Variants in NDE1 observed in about 807,000 individuals in gnomAD.
The protein encoded by NDE1 is nudE neurodevelopment protein 1.
Under a neutral mutation model 43.4 loss-of-function variants are expected in NDE1, and 28 were observed. The ratio of observed to expected loss-of-function variants is 0.65; its 90% CI spans 0.48 to 0.89. The LOEUF is 0.89. NDE1 is among the 40% of genes least tolerant of loss of function. The probability of loss-of-function intolerance (pLI) is 0.00; values close to 1 mark genes in which losing one functional copy is unlikely to be tolerated. For synonymous variants in NDE1, 184 were observed against 172.0 expected (o/e 1.07, Z -0.55); for missense variants, 441 against 434.1 (o/e 1.02, Z -0.14).
chr16:15,696,603 A>G (rs2151141681), intron 7 of NDE1, 106 bp from the exon 8 acceptor site: 5 of 1,595,336 alleles, frequency 3.1e-6, no homozygotes, highest in East Asian at 2.2e-5. Flanking sequence ...TCCAGTGCAC[A>G]ACAGTTTGAG....
At chr16:15,661,596 A>G (rs574803052) in intron 1 of NDE1, among the ~76,000 whole-genome samples, 1 of 151,452 alleles carries the variant, frequency 6.6e-6, no homozygotes, top group African/African-American at 2.4e-5. Flanking sequence ...CAGACACACC[A>G]CCATGACCAG....
At chr16:15,695,926 C>T (rs1023236394) in intron 7 of NDE1, 2 of 154,926 alleles carry the variant, frequency 1.3e-5, no homozygotes, top group African/African-American at 4.8e-5. Flanking sequence ...CAAGGTAAAC[C>T]AAAGGGTGAA....
At chr16:15,663,261 A>G (rs2037137739) in intron 1 of NDE1, among the ~76,000 whole-genome samples, 1 of 142,424 alleles carries the variant, frequency 7.0e-6, no homozygotes, top group Non-Finnish European at 1.5e-5. Context: ...TTTTTTTGAG[A>G]CGGAGTCTCA....
intron 8 of NDE1, chr16:15,719,072 G>T: frequency 1.3e-6 from 1 of 765,276 alleles, no homozygotes; most frequent in East Asian, 2.7e-5. Context: ...AGGTTGCAGT[G>T]AGCCAAGATT....
chr16:15,707,253 T>A (rs1255854967), intron 8 of NDE1, among the ~76,000 whole-genome samples: 1 of 152,110 alleles, frequency 6.6e-6, no homozygotes, highest in Non-Finnish European at 1.5e-5. Flanking sequence ...GCCAGGCTGG[T>A]CCTGACCTCA....
chr16:15,692,401 T>C (rs755373878), intron 6 of NDE1, among the ~76,000 whole-genome samples: 6 of 152,148 alleles, frequency 3.9e-5, no homozygotes, highest in Non-Finnish European at 5.9e-5. Flanking sequence ...AGAATTCCGG[T>C]GCAGAGCCCT....
intron 4 of NDE1, among the ~76,000 whole-genome samples, chr16:15,679,686 T>C (rs1451465909): frequency 1.3e-5 from 2 of 152,214 alleles, no homozygotes; most frequent in Non-Finnish European, 2.9e-5. Context: ...ACATTTTCTT[T>C]ATACTCCACG....
chr16:15,653,814 G>A (rs531036325), intron 1 of NDE1, among the ~76,000 whole-genome samples: 31 of 150,442 alleles, frequency 2.1e-4, no homozygotes, highest in African/African-American at 6.6e-4. Flanking sequence ...TGCAACCACC[G>A]CCTCCCATGC....
chr16:15,721,192 C>T, intron 8 of NDE1: 3 of 1,019,800 alleles, frequency 2.9e-6, no homozygotes, highest in South Asian at 1.4e-5. Context: ...CTCAAGATGA[C>T]CCCTGAGAGT....
At chr16:15,669,044 C>T (rs75976347) in intron 3 of NDE1, among the ~76,000 whole-genome samples, 16,452 of 151,780 alleles carry the variant, frequency 0.11, 980 homozygotes, top group East Asian at 0.27. Context: ...GGACTACAGG[C>T]GCCTGCCACC....
chr16:15,723,289 A>G (rs1258412532), intron 8 of NDE1, among the ~76,000 whole-genome samples: 1 of 152,180 alleles, frequency 6.6e-6, no homozygotes, highest in Non-Finnish European at 1.5e-5. Flanking sequence ...ATGTACTGAC[A>G]TCTGTAATTT....
chr16:15,697,795 G>GT lies in NDE1; in HGVS notation c.947+946dup, dbSNP rs563392527. Among the ~76,000 whole-genome samples, 1,329 of 145,390 alleles carry GT rather than the reference G, an allele frequency of 9.1e-3. 15 individuals carry two copies. The highest frequency in any genetic ancestry group is 0.028 in the African/African-American group (1,121 of 40,210). Reference sequence around the variant, plus strand: ...CAGTCATGGCTCTGCTTCCCCTGAAGTTTTTTTTTTTGTTTTGTTTTGTTT... The same window carrying GT: ...CAGTCATGGCTCTGCTTCCCCTGAAGTTTTTTTTTTTTGTTTTGTTTTGTTT... On this transcript the variant is annotated intron_variant, in intron 8 of 8. Transcript: ENST00000396354.
chr16:15,718,572 A>G, intron 8 of NDE1: 1 of 1,321,538 alleles, frequency 7.6e-7, no homozygotes, highest in Non-Finnish European at 1.0e-6. Flanking sequence ...GAAGATTAGA[A>G]GACTCATCTG....
At chr16:15,720,005 C>T in intron 8 of NDE1, 1 of 1,193,712 alleles carries the variant, frequency 8.4e-7, no homozygotes, top group Non-Finnish European at 1.2e-6. Context: ...CCACCAAATC[C>T]TGAATGGTTC....
At chr16:15,668,973 C>T (rs900120182) in intron 3 of NDE1, among the ~76,000 whole-genome samples, 2 of 151,946 alleles carry the variant, frequency 1.3e-5, no homozygotes, top group African/African-American at 4.8e-5. Context: ...GATCTCGGCT[C>T]ACTGCAAGCT....
intron 8 of NDE1, chr16:15,702,116 C>T (rs1596657084): frequency 6.6e-6 from 1 of 152,210 alleles, no homozygotes; most frequent in South Asian, 2.1e-4. Flanking sequence ...CATCTGGTCA[C>T]AAGATGGAGT....
intron 8 of NDE1, among the ~76,000 whole-genome samples, chr16:15,712,343 G>C (rs1040163226): frequency 6.6e-6 from 1 of 152,108 alleles, no homozygotes; most frequent in Non-Finnish European, 1.5e-5. Flanking sequence ...CTCTCACCTA[G>C]CGCTGGGGAG....
At chr16:15,672,160 C>A (rs986705846) in intron 3 of NDE1, among the ~76,000 whole-genome samples, 1 of 151,520 alleles carries the variant, frequency 6.6e-6, no homozygotes, top group African/African-American at 2.4e-5. Flanking sequence ...TTGGGCCTGG[C>A]GTGGTGGCTG....
chr16:15,672,471 G>A (rs1262997909), intron 3 of NDE1, among the ~76,000 whole-genome samples: 2 of 152,082 alleles, frequency 1.3e-5, no homozygotes, highest in Non-Finnish European at 2.9e-5. Flanking sequence ...TTGGAATAAC[G>A]AGGACCCTGC....
Sources: gnomAD v4.1 joint callset for allele counts (sites outside exome capture counted in the v4.1 genomes callset) on GRCh38, gnomAD v4.1.1 for gene constraint, MANE v1.5 for transcripts, NCBI Gene and HGNC (gene_info 2026-07-23, HGNC 2026-07-21) for gene names.